Variants in BARD1 observed in about 807,000 individuals in gnomAD.
The protein encoded by BARD1 is BRCA1 associated RING domain 1.
BARD1 carries 73 observed loss-of-function variants against 77.0 expected under a neutral mutation model. That is an observed-to-expected ratio of 0.95 (90% confidence interval 0.79 to 1.15). The LOEUF (loss-of-function observed/expected upper bound fraction) is 1.15, where lower values mean the gene tolerates loss of function less well. Ranked by LOEUF, BARD1 falls within the 50% of genes most tolerant of loss-of-function variation. BARD1 has a pLI of 0.00. For synonymous variants in BARD1, 384 were observed against 338.0 expected (o/e 1.14, Z -1.49); for missense variants, 993 against 938.8 (o/e 1.06, Z -0.75).
At chr2:214,764,974 C>G (rs1187975562) in intron 6 of BARD1, among the ~76,000 whole-genome samples, 2 of 152,152 alleles carry the variant, frequency 1.3e-5, no homozygotes, top group Non-Finnish European at 2.9e-5. Flanking sequence ...TATCCTTTAT[C>G]CAATATCAAT....
chr2:214,754,706 C>G (rs564075357), intron 6 of BARD1, among the ~76,000 whole-genome samples: 1 of 152,274 alleles, frequency 6.6e-6, no homozygotes, highest in Non-Finnish European at 1.5e-5. Context: ...GTCATATGGT[C>G]TTAAAACATG....
Position 214,726,541 on chromosome 2 carries a change from C to T in BARD1, c.*2135G>A, listed in dbSNP as rs1481230417. On this transcript the variant is annotated 3_prime_UTR_variant, in exon 11 of 11. Transcript: ENST00000260947. ...AAAGCATTATGTTAAAAAAGATAAG[C>T]TTTTGTTAGTTAATAGACTTCCTCA... 1.3e-5 allele frequency: 3 copies of T among 225,630 alleles called. No individual in the cohort carries two copies. Among genetic ancestry groups the T allele is most frequent in the Non-Finnish European group, 2.6e-5 (3 of 113,492 alleles). The allele number at this position is 225,630 out of a possible 1,614,324, so 14.0% of individuals were successfully genotyped here.
intron 8 of BARD1, 24 bp from the exon 9 acceptor site, chr2:214,745,183 GAGAA>G (rs1693046050): frequency 6.3e-7 from 1 of 1,587,970 alleles, no homozygotes; most frequent in Non-Finnish European, 8.6e-7. Context: ...AAAGCAGTAA[GAGAA>G]AGAAAGATAC....
At chr2:214,792,213 T>G in intron 3 of BARD1, 84 bp downstream of exon 3, 13 of 1,274,910 alleles carry the variant, frequency 1.0e-5, no homozygotes, top group Non-Finnish European at 1.4e-5. Context: ...GAACTCCAGA[T>G]AGATGTTTTA....
intron 5 of BARD1, 68 bp downstream of exon 5, chr2:214,769,164 A>G: frequency 7.5e-7 from 1 of 1,335,514 alleles, no homozygotes; most frequent in South Asian, 1.2e-5. Context: ...TATATAGACA[A>G]CTACATAACT....
At chr2:214,788,533 T>C (rs1695376826) in intron 3 of BARD1, among the ~76,000 whole-genome samples, 1 of 152,108 alleles carries the variant, frequency 6.6e-6, no homozygotes. Context: ...CCACCTTAAT[T>C]ACAGTAATTA....
rs529152482 is a variant in BARD1 at position 214,726,451 on chromosome 2, G to A, written c.*2225C>T. ...AAACTATCAAAGTTATACTGTATTC[G>A]GAATAATCTAAGGTAATAAAGTATC... is the stretch of plus-strand genomic sequence containing the variant. On this transcript the variant is annotated 3_prime_UTR_variant, in exon 11 of 11. Coordinates refer to ENST00000260947, the MANE Select transcript of BARD1 (RefSeq NM_000465.4). 143 of 211,556 alleles carry A rather than the reference G, an allele frequency of 6.8e-4. No homozygotes were observed. The highest frequency in any genetic ancestry group is 2.4e-3 in the East Asian group (33 of 13,880). 13.1% of individuals were successfully genotyped at this position (211,556 alleles called of 1,614,324 possible). A position where few individuals can be genotyped will look rare whatever the true frequency, so the allele number is the denominator to read the frequency against.
chr2:214,764,250 T>C (rs991164547), intron 6 of BARD1, among the ~76,000 whole-genome samples: 4 of 152,274 alleles, frequency 2.6e-5, no homozygotes, highest in Admixed American at 6.5e-5. Flanking sequence ...CAAATGTGGA[T>C]ACAGACTACA....
At chr2:214,792,150 T>TAAAAA in intron 3 of BARD1, 147 bp downstream of exon 3, 13 of 569,320 alleles carry the variant, frequency 2.3e-5, no homozygotes, top group Non-Finnish European at 3.5e-5. Flanking sequence ...AATGGCTATT[T>TAAAAA]AAAAAAAAAA....
chr2:214,807,253 T>C (rs1696318338), intron 1 of BARD1, among the ~76,000 whole-genome samples: 1 of 152,054 alleles, frequency 6.6e-6, no homozygotes, highest in Non-Finnish European at 1.5e-5. Context: ...TAGCATTCTG[T>C]AGTCAAATGG....
At chr2:214,802,823 T>G (rs1235551849) in intron 1 of BARD1, among the ~76,000 whole-genome samples, 1 of 152,248 alleles carries the variant, frequency 6.6e-6, no homozygotes, top group Non-Finnish European at 1.5e-5. Flanking sequence ...AAAATTCAGC[T>G]ACTCTACTTT....
intron 4 of BARD1, 88 bp downstream of exon 4, chr2:214,780,472 T>C (rs889203476): frequency 9.0e-7 from 1 of 1,113,538 alleles, no homozygotes; most frequent in Non-Finnish European, 1.3e-6. Context: ...ATTATCCTAG[T>C]AATCCTATGC....
chr2:214,785,205 T>C (rs1292768330), intron 3 of BARD1, among the ~76,000 whole-genome samples: 2 of 152,054 alleles, frequency 1.3e-5, no homozygotes, highest in African/African-American at 4.8e-5. Context: ...CTAATTGTTT[T>C]ACAGTTTAAT....
chr2:214,779,817 A>G (rs1277362921), intron 4 of BARD1, among the ~76,000 whole-genome samples: 1 of 152,210 alleles, frequency 6.6e-6, no homozygotes, highest in African/African-American at 2.4e-5. Flanking sequence ...GGTCTACCAT[A>G]TCATACTTTC....
chr2:214,731,472 A>G (rs1347391745), intron 9 of BARD1, among the ~76,000 whole-genome samples: 4 of 152,236 alleles, frequency 2.6e-5, no homozygotes, highest in Non-Finnish European at 2.9e-5. Context: ...TTCTGTTCTG[A>G]TGGCATATAA....
Position 214,745,589 on chromosome 2 carries a change from G to T in BARD1, c.1810+133C>A, listed in dbSNP as rs6730040. 537,112 of 1,113,054 alleles carry T rather than the reference G, an allele frequency of 0.48. 131,028 individuals are homozygous for T. The highest frequency in any genetic ancestry group is 0.6 in the Middle Eastern group (2,924 of 4,896). 68.9% of individuals were successfully genotyped at this position (1,113,054 alleles called of 1,614,324 possible). ...TTTATTACTGAAAAAAAATTTAGAT[G>T]TATTACAAGATGCAAAGTATACAGC... On this transcript the variant is annotated intron_variant, in intron 8 of 10. Transcript: ENST00000260947.
chr2:214,740,740 C>T (rs527466493), intron 9 of BARD1, among the ~76,000 whole-genome samples: 10 of 152,012 alleles, frequency 6.6e-5, no homozygotes, highest in Non-Finnish European at 1.2e-4. Flanking sequence ...AGAAGTAACA[C>T]TGCAAATACT....
intron 4 of BARD1, among the ~76,000 whole-genome samples, chr2:214,778,523 T>C (rs1465005037): frequency 6.6e-6 from 1 of 152,162 alleles, no homozygotes; most frequent in Non-Finnish European, 1.5e-5. Flanking sequence ...TTGAACGTAT[T>C]AATAGAGAAA....
chr2:214,751,149 A>ATTT (rs1693427151), intron 7 of BARD1, among the ~76,000 whole-genome samples: 1 of 18,478 alleles, frequency 5.4e-5, no homozygotes, highest in Admixed American at 8.5e-4. Flanking sequence ...ATATATATAT[A>ATTT]TATTTTTTTT....
Sources: gnomAD v4.1 joint callset for allele counts (sites outside exome capture counted in the v4.1 genomes callset) on GRCh38, gnomAD v4.1.1 for gene constraint, MANE v1.5 for transcripts, NCBI Gene and HGNC (gene_info 2026-07-23, HGNC 2026-07-21) for gene names.